Variants in RAB6B observed in about 807,000 individuals in gnomAD.
The protein encoded by RAB6B is ras-related protein Rab-6B.
In RAB6B, 7 loss-of-function variants were observed where a neutral mutation model predicts 31.2. The observed-to-expected ratio is 0.22, with a 90% confidence interval of 0.13 to 0.42. The LOEUF (loss-of-function observed/expected upper bound fraction) is 0.42. Ranked by LOEUF, RAB6B falls within the 10% of genes least tolerant of loss-of-function variation. The probability of loss-of-function intolerance (pLI) is 1.00; values close to 1 mark genes in which losing one functional copy is unlikely to be tolerated. For missense variants in RAB6B, 149 were observed against 280.6 expected (o/e 0.53, Z 3.35); for synonymous variants, 105 against 104.9 (o/e 1.00, Z -0.01).
chr3:133,850,844 CAT>C (rs937410774), intron 2 of RAB6B, among the ~76,000 whole-genome samples: 2 of 151,944 alleles, frequency 1.3e-5, no homozygotes, highest in African/African-American at 4.8e-5. Flanking sequence ...AACAAAATCA[CAT>C]GTCTATTCAT....
chr3:133,832,991 A>G (rs1258605059), intron 7 of RAB6B, among the ~76,000 whole-genome samples: 3 of 152,144 alleles, frequency 2.0e-5, no homozygotes, highest in African/African-American at 7.2e-5. Context: ...TGTGAATGAA[A>G]CGATCACCAC....
In RAB6B at chr3:133,828,580, A is replaced by G; in HGVS notation, c.*208T>C. 3.1e-6 allele frequency: 2 copies of G among 641,100 alleles called. No homozygotes were observed. Among genetic ancestry groups the G allele is most frequent in the Non-Finnish European group, 5.5e-6 (2 of 361,888 alleles). The allele number at this position is 641,100 out of a possible 1,614,324, so 39.7% of individuals were successfully genotyped here. On this transcript the variant is annotated 3_prime_UTR_variant, in exon 8 of 8. Transcript: ENST00000285208. Reference sequence around the variant, plus strand: ...TACAATATATTACAACCAAACCAAAAAATAGTTGTTTAAGTAACAGCCGTT... The same window carrying G: ...TACAATATATTACAACCAAACCAAAGAATAGTTGTTTAAGTAACAGCCGTT...
At chr3:133,857,721 C>G (rs1180689341) in intron 2 of RAB6B, among the ~76,000 whole-genome samples, 3 of 152,210 alleles carry the variant, frequency 2.0e-5, no homozygotes, top group Non-Finnish European at 4.4e-5. Flanking sequence ...AGCATTTTGG[C>G]TGTTTGATCA....
chr3:133,873,720 C>G (rs1041734216), intron 1 of RAB6B, among the ~76,000 whole-genome samples: 6 of 152,110 alleles, frequency 3.9e-5, no homozygotes, highest in African/African-American at 1.2e-4. Flanking sequence ...AGAGTTGACC[C>G]TTGAAGAAGG....
At chr3:133,856,147 A>T (rs1028164944) in intron 2 of RAB6B, among the ~76,000 whole-genome samples, 10 of 152,150 alleles carry the variant, frequency 6.6e-5, no homozygotes, top group African/African-American at 2.2e-4. Flanking sequence ...CACCTACAAA[A>T]TTAAAACTCT....
At chr3:133,843,880 C>T (rs758254360) in intron 2 of RAB6B, among the ~76,000 whole-genome samples, 3 of 152,162 alleles carry the variant, frequency 2.0e-5, no homozygotes, top group African/African-American at 7.2e-5. Context: ...ATGACATCAA[C>T]GAAGGCTGAC....
At chr3:133,880,775 G>C (rs958032658) in intron 1 of RAB6B, among the ~76,000 whole-genome samples, 3 of 152,238 alleles carry the variant, frequency 2.0e-5, no homozygotes, top group Non-Finnish European at 4.4e-5. Context: ...AGGTGGTGAG[G>C]GGAGCACAAG....
chr3:133,887,658 G>A (rs1360902204), intron 1 of RAB6B, among the ~76,000 whole-genome samples: 1 of 152,170 alleles, frequency 6.6e-6, no homozygotes, highest in African/African-American at 2.4e-5. Context: ...GCCAGAGATG[G>A]GCTGGGGCTT....
At chr3:133,856,522 A>G (rs1936079413) in intron 2 of RAB6B, among the ~76,000 whole-genome samples, 1 of 151,942 alleles carries the variant, frequency 6.6e-6, no homozygotes, top group Non-Finnish European at 1.5e-5. Context: ...TCATATCATT[A>G]CTCTTAGCCT....
chr3:133,865,096 G>T (rs560481749), intron 1 of RAB6B, among the ~76,000 whole-genome samples: 2 of 152,240 alleles, frequency 1.3e-5, no homozygotes, highest in Admixed American at 6.5e-5. Context: ...CTGAAGATTG[G>T]TGGGGACAGT....
At chr3:133,873,146 G>A (rs1055514575) in intron 1 of RAB6B, among the ~76,000 whole-genome samples, 1 of 152,212 alleles carries the variant, frequency 6.6e-6, no homozygotes, top group Non-Finnish European at 1.5e-5. Flanking sequence ...GCATCCTAAA[G>A]GATCCCATCC....
At chr3:133,884,759 T>A (rs1304130064) in intron 1 of RAB6B, among the ~76,000 whole-genome samples, 1 of 149,082 alleles carries the variant, frequency 6.7e-6, no homozygotes, top group Non-Finnish European at 1.5e-5. Context: ...AGGACTCACA[T>A]ACCCAGTGCC....
At position 133,864,164 on chromosome 3, in the gene RAB6B, G is replaced by GT. The variant is rs62769460; in HGVS notation, c.129+419_129+420insA. 2.3e-4 allele frequency among the ~76,000 whole-genome samples: 25 copies of GT among 108,244 alleles called. No homozygotes were observed. In the East Asian group the frequency reaches 0.012, roughly 52 times the overall value. 71.0% of individuals were successfully genotyped at this position (108,244 alleles called of 152,430 possible). A position where few individuals can be genotyped will look rare whatever the true frequency, so the allele number is the denominator to read the frequency against. ...CGTGTGTGTGTTTGTGTGCGTGTGT[G>GT]GGGGGGGGCGGGGGTGAGAGAGAGA... On this transcript the variant is annotated intron_variant, in intron 2 of 7. Coordinates refer to ENST00000285208, the MANE Select transcript of RAB6B (RefSeq NM_016577.4).
intron 1 of RAB6B, among the ~76,000 whole-genome samples, chr3:133,894,020 GA>G (rs1367461218): frequency 1.3e-5 from 2 of 152,176 alleles, no homozygotes; most frequent in African/African-American, 2.4e-5. Context: ...GTCCTTCTCT[GA>G]ACCATCCATC....
At chr3:133,871,569 A>T (rs953352370) in intron 1 of RAB6B, among the ~76,000 whole-genome samples, 1 of 152,218 alleles carries the variant, frequency 6.6e-6, no homozygotes, top group African/African-American at 2.4e-5. Context: ...CCCACATCAC[A>T]GTCTGAAAGC....
intron 2 of RAB6B, among the ~76,000 whole-genome samples, chr3:133,860,845 C>T (rs367827026): frequency 2.6e-5 from 4 of 152,256 alleles, no homozygotes; most frequent in African/African-American, 9.6e-5. Context: ...TAATTTGTGC[C>T]ATGGTGTGAG....
Position 133,893,382 on chromosome 3 carries a change from T to G in RAB6B, c.70+2015A>C, listed in dbSNP as rs554946129. On this transcript the variant is annotated intron_variant, in intron 1 of 7. Transcript: ENST00000285208. ...CCTCCCTGTTCCCTGGGGCTCAGAC[T>G]TCCCATTTGAACATATGGGAGAGGT... 1.7e-3 allele frequency among the ~76,000 whole-genome samples: 253 copies of G among 152,200 alleles called. 1 individual carries two copies. Among genetic ancestry groups the G allele is most frequent in the Non-Finnish European group, 3.1e-3 (213 of 68,020 alleles).
intron 1 of RAB6B, among the ~76,000 whole-genome samples, chr3:133,880,282 T>C (rs933057886): frequency 1.3e-5 from 2 of 152,210 alleles, no homozygotes; most frequent in African/African-American, 4.8e-5. Flanking sequence ...GTAGTGTTGA[T>C]GTTAAAAGAC....
intron 4 of RAB6B, among the ~76,000 whole-genome samples, chr3:133,840,549 A>G (rs1935810859): frequency 6.6e-6 from 1 of 152,214 alleles, no homozygotes; most frequent in Non-Finnish European, 1.5e-5. Flanking sequence ...TGGCGGGGGC[A>G]TGCACCAGCG....
Sources: gnomAD v4.1 joint callset for allele counts (sites outside exome capture counted in the v4.1 genomes callset) on GRCh38, gnomAD v4.1.1 for gene constraint, MANE v1.5 for transcripts, NCBI Gene and HGNC (gene_info 2026-07-23, HGNC 2026-07-21) for gene names.